The following MYRFL variants were observed in gnomAD, a reference collection of about 807,000 sequenced individuals.
MYRFL encodes the protein myelin regulatory factor-like protein.
Under a neutral mutation model 109.4 loss-of-function variants are expected in MYRFL, and 88 were observed. The ratio of observed to expected loss-of-function variants is 0.80; its 90% CI spans 0.68 to 0.96. The LOEUF is 0.96. Among genes scored for constraint, MYRFL ranks in the 40% least tolerant of loss-of-function variants. The pLI is 0.00. For synonymous variants in MYRFL, 324 were observed against 320.9 expected (o/e 1.01, Z -0.10); for missense variants, 957 against 954.9 (o/e 1.00, Z -0.03).
chr12:69,847,570 T>A (rs759282763), intron 1 of MYRFL, among the ~76,000 whole-genome samples: 3 of 152,212 alleles, frequency 2.0e-5, no homozygotes, highest in Non-Finnish European at 4.4e-5. Flanking sequence ...GTGGCTTTTC[T>A]ATGCATTTGT....
Position 69,879,199 on chromosome 12 carries a change from A to C in MYRFL, c.210A>C (p.Ala70=), listed in dbSNP as rs545310497. The part of the protein sequence containing the change: ...DSCSPPQVKG[A]CYPTLRPTAG... ...CCTGCTTGTGTCTCTCCCCAGGTGCATGCTACCCAACCCTGAGGCCCACAG... is the reference window on the plus strand; with the variant it reads ...CCTGCTTGTGTCTCTCCCCAGGTGCCTGCTACCCAACCCTGAGGCCCACAG... Residue 70 remains alanine (A), a synonymous_variant, in exon 4 of 25, where the codon GCA becomes GCC. Coordinates refer to ENST00000552032, the MANE Select transcript of MYRFL (RefSeq NM_182530.3). The C allele has an allele frequency of 4.6e-4, 321 of 702,746 alleles. 1 individual carries two copies. In the African/African-American group the frequency reaches 5.0e-3, roughly 11 times the overall value. The allele number at this position is 702,746 out of a possible 1,614,324, so 43.5% of individuals were successfully genotyped here.
At chr12:69,852,805 CCTT>C (rs1883966037) in intron 1 of MYRFL, among the ~76,000 whole-genome samples, 1 of 151,782 alleles carries the variant, frequency 6.6e-6, no homozygotes, top group South Asian at 2.1e-4. Context: ...GAGCGTGCTG[CCTT>C]CAAGCATCTG....
At chr12:69,846,694 G>C (rs1205190933) in intron 1 of MYRFL, among the ~76,000 whole-genome samples, 1 of 152,066 alleles carries the variant, frequency 6.6e-6, no homozygotes, top group East Asian at 1.9e-4. Context: ...ATGATTTATG[G>C]TCCTTTGGGT....
At chr12:69,913,858 G>A (rs1237403225) in intron 13 of MYRFL, among the ~76,000 whole-genome samples, 1 of 152,162 alleles carries the variant, frequency 6.6e-6, no homozygotes, top group Non-Finnish European at 1.5e-5. Context: ...TTTTGATAGG[G>A]ATTTCATTGA....
intron 12 of MYRFL, 99 bp from the exon 13 acceptor site, chr12:69,910,722 G>T: frequency 8.2e-6 from 6 of 728,520 alleles, no homozygotes; most frequent in South Asian, 2.2e-5. Flanking sequence ...TTCCTTCTTT[G>T]CTGCAAATGT....
At chr12:69,864,140 T>C (rs951010648) in intron 2 of MYRFL, among the ~76,000 whole-genome samples, 1 of 152,226 alleles carries the variant, frequency 6.6e-6, no homozygotes, top group African/African-American at 2.4e-5. Context: ...TTTTTTATAT[T>C]GTACTGTTTG....
intron 20 of MYRFL, among the ~76,000 whole-genome samples, chr12:69,952,594 T>A (rs1315639901): frequency 6.6e-6 from 1 of 152,172 alleles, no homozygotes; most frequent in Non-Finnish European, 1.5e-5. Context: ...TTTTTATTAG[T>A]TTTTCTAATA....
intron 1 of MYRFL, among the ~76,000 whole-genome samples, chr12:69,853,668 C>T (rs1381554267): frequency 4.4e-5 from 6 of 135,878 alleles, no homozygotes; most frequent in Non-Finnish European, 6.2e-5. Flanking sequence ...ACATCCCAGA[C>T]GATGGGCGGC....
intron 19 of MYRFL, among the ~76,000 whole-genome samples, chr12:69,948,564 A>G (rs1175741987): frequency 6.6e-6 from 1 of 152,178 alleles, no homozygotes; most frequent in African/African-American, 2.4e-5. Context: ...TTTATGCCTC[A>G]TTTGCGTTGT....
intron 5 of MYRFL, among the ~76,000 whole-genome samples, chr12:69,886,516 G>A (rs1886462116): frequency 6.6e-6 from 1 of 152,200 alleles, no homozygotes; most frequent in Admixed American, 6.5e-5. Context: ...CTCTGGGAAT[G>A]AACTTCACTG....
intron 15 of MYRFL, among the ~76,000 whole-genome samples, chr12:69,929,007 C>T (rs769290739): frequency 5.3e-5 from 8 of 152,170 alleles, no homozygotes; most frequent in Non-Finnish European, 1.2e-4. Context: ...ATATATGGCT[C>T]ATGAGAGCAG....
Position 69,952,154 on chromosome 12 carries a change from G to T in MYRFL, c.2266G>T (p.Gly756Cys), listed in dbSNP as rs140111570. ...AGTTTTGGCAAGAAATGCACTCAGC[G>T]GCCCTGACTGGGAGAGTGACTGTAA... ...KSVLARNALS[G>C]PDWESDWIDT... is the part of the protein sequence containing the mutation. Residue 756 changes from glycine (G) to cysteine (C), a missense_variant, in exon 20 of 25, where the codon GGC becomes TGC. Coordinates refer to ENST00000552032, the MANE Select transcript of MYRFL (RefSeq NM_182530.3). The T allele has an allele frequency of 1.6e-5, 24 of 1,536,078 alleles. No homozygotes were observed. In the African/African-American group the frequency reaches 1.9e-4, roughly 12 times the overall value.
At chr12:69,854,712 A>G (rs187492319) in intron 1 of MYRFL, among the ~76,000 whole-genome samples, 286 of 152,134 alleles carry the variant, frequency 1.9e-3, no homozygotes, top group Non-Finnish European at 3.1e-3. Flanking sequence ...TTTAATTTTT[A>G]TATATTTAGG....
intron 1 of MYRFL, among the ~76,000 whole-genome samples, chr12:69,836,435 C>T (rs974767645): frequency 2.0e-5 from 3 of 152,156 alleles, no homozygotes; most frequent in Non-Finnish European, 2.9e-5. Context: ...CCAGCACTCC[C>T]GCATCAGTCC....
At chr12:69,833,016 G>A (rs1026259255) in intron 1 of MYRFL, among the ~76,000 whole-genome samples, 16 of 149,122 alleles carry the variant, frequency 1.1e-4, no homozygotes, top group Non-Finnish European at 1.9e-4. Flanking sequence ...GACATTTTAC[G>A]TTTGAGATCT....
At chr12:69,912,317 C>G (rs920839260) in intron 13 of MYRFL, among the ~76,000 whole-genome samples, 9 of 152,150 alleles carry the variant, frequency 5.9e-5, no homozygotes, top group Non-Finnish European at 1.2e-4. Flanking sequence ...ATACACAAAA[C>G]ATAACATGTA....
intron 2 of MYRFL, among the ~76,000 whole-genome samples, chr12:69,858,325 A>T (rs980157931): frequency 6.6e-6 from 1 of 151,466 alleles, no homozygotes; most frequent in African/African-American, 2.4e-5. Flanking sequence ...TTTATATTTT[A>T]TTTTTTCTGG....
intron 13 of MYRFL, among the ~76,000 whole-genome samples, chr12:69,913,572 G>T (rs1267443271): frequency 1.3e-5 from 2 of 152,114 alleles, no homozygotes; most frequent in Admixed American, 1.3e-4. Flanking sequence ...CCATTGAATG[G>T]TCTTGGCATC....
rs185052375 is a variant in MYRFL at position 69,886,154 on chromosome 12, A to G, written c.557-666A>G. ...AAAACAACAATAACAAAACAGGCAA[A>G]AAACAAAATTAGGGGAACTATTGGC... On this transcript the variant is annotated intron_variant, in intron 5 of 24. Coordinates refer to ENST00000552032, the MANE Select transcript of MYRFL (RefSeq NM_182530.3). 5.1e-3 allele frequency among the ~76,000 whole-genome samples: 783 copies of G among 152,306 alleles called. 4 individuals carry two copies. The highest frequency in any genetic ancestry group is 0.01 in the Middle Eastern group (3 of 294).
Sources: allele counts gnomAD v4.1 joint callset (sites outside exome capture counted in the v4.1 genomes callset), GRCh38; gene constraint gnomAD v4.1.1; transcripts MANE v1.5; gene names NCBI Gene and HGNC (gene_info 2026-07-23, HGNC 2026-07-21).